Variants in ATRNL1 observed in about 807,000 individuals in gnomAD.
ATRNL1 encodes the protein attractin like 1.
A neutral mutation model predicts 182.7 loss-of-function variants in ATRNL1; 95 were observed. That is an observed-to-expected ratio of 0.52 (90% confidence interval 0.44 to 0.62). The LOEUF (loss-of-function observed/expected upper bound fraction) is 0.62, where lower values mean the gene tolerates loss of function less well. ATRNL1 is among the 20% of genes least tolerant of loss of function. ATRNL1 has a pLI of 0.00. For missense variants in ATRNL1, 1,471 were observed against 1,679.5 expected, an observed-to-expected ratio of 0.88 and a Z score of 2.17; for synonymous variants, 576 against 568.3, an observed-to-expected ratio of 1.01 and a Z score of -0.19.
intron 28 of ATRNL1, among the ~76,000 whole-genome samples, chr10:115,863,391 C>T (rs1230775539): frequency 3.3e-5 from 5 of 152,128 alleles, no homozygotes; most frequent in African/African-American, 1.2e-4. Flanking sequence ...TATGAATGTA[C>T]TATAGTTGTA....
intron 26 of ATRNL1, among the ~76,000 whole-genome samples, chr10:115,690,979 CCTT>C (rs1315764979): frequency 1.3e-5 from 2 of 152,148 alleles, no homozygotes; most frequent in Non-Finnish European, 2.9e-5. Context: ...CCCAAGCCAA[CCTT>C]CTCTGAGCTG....
At chr10:115,118,733 C>G (rs1417973335) in intron 1 of ATRNL1, among the ~76,000 whole-genome samples, 1 of 152,150 alleles carries the variant, frequency 6.6e-6, no homozygotes, top group East Asian at 1.9e-4. Context: ...ATAAGCAAAT[C>G]TCTCAGAACA....
chr10:115,313,555 C>CTTAT lies in ATRNL1; in HGVS notation c.2819-1945_2819-1942dup, dbSNP rs543717820. 3.4e-3 allele frequency among the ~76,000 whole-genome samples: 512 copies of CTTAT among 152,130 alleles called. 4 individuals carry two copies. Among genetic ancestry groups the CTTAT allele is most frequent in the African/African-American group, 0.011 (477 of 41,514 alleles). ...TTATTTCATTCGCCAGTGGCGTGTACTTATTTATTTATTTATTTATTCTTT... is the reference window on the plus strand; with the variant it reads ...TTATTTCATTCGCCAGTGGCGTGTACTTATTTATTTATTTATTTATTTATTCTTT... On this transcript the variant is annotated intron_variant, in intron 17 of 28. Transcript: ENST00000355044.
chr10:115,252,971 C>G (rs1554905714), intron 10 of ATRNL1, among the ~76,000 whole-genome samples: 1 of 152,174 alleles, frequency 6.6e-6, no homozygotes, highest in African/African-American at 2.4e-5. Flanking sequence ...CTGTGCTCCA[C>G]CTACCACCAA....
At chr10:115,835,968 G>T (rs782627515) in intron 27 of ATRNL1, among the ~76,000 whole-genome samples, 3 of 152,174 alleles carry the variant, frequency 2.0e-5, no homozygotes, top group African/African-American at 7.2e-5. Context: ...CCCCCACACC[G>T]ATGTTGTTCC....
chr10:115,272,402 A>T (rs1851906594), intron 13 of ATRNL1, among the ~76,000 whole-genome samples: 1 of 152,170 alleles, frequency 6.6e-6, no homozygotes, highest in Admixed American at 6.5e-5. Flanking sequence ...TCTTTGACTG[A>T]TGATTTAGAG....
intron 26 of ATRNL1, among the ~76,000 whole-genome samples, chr10:115,688,439 G>T (rs782418871): frequency 3.3e-5 from 5 of 152,084 alleles, no homozygotes; most frequent in Non-Finnish European, 5.9e-5. Flanking sequence ...AACAACATAT[G>T]AGTTACCTGT....
intron 20 of ATRNL1, among the ~76,000 whole-genome samples, chr10:115,418,072 AG>A (rs1845482225): frequency 6.6e-6 from 1 of 152,238 alleles, no homozygotes; most frequent in South Asian, 2.1e-4. Flanking sequence ...AGACAAAATA[AG>A]GTGCCAGAGA....
At chr10:115,795,225 T>C (rs528110289) in intron 27 of ATRNL1, among the ~76,000 whole-genome samples, 326 of 152,298 alleles carry the variant, frequency 2.1e-3, no homozygotes, top group African/African-American at 7.7e-3. Flanking sequence ...AACATAGCTA[T>C]GTATATATAC....
chr10:115,880,152 G>A (rs151208525), intron 28 of ATRNL1, among the ~76,000 whole-genome samples: 5 of 152,340 alleles, frequency 3.3e-5, no homozygotes, highest in Non-Finnish European at 7.4e-5. Flanking sequence ...CACCTCAACT[G>A]GCAGTGGCTG....
intron 20 of ATRNL1, among the ~76,000 whole-genome samples, chr10:115,406,809 G>A (rs1554958374): frequency 6.6e-6 from 1 of 151,934 alleles, no homozygotes; most frequent in African/African-American, 2.4e-5. Context: ...CTCTGTGGTT[G>A]GACTTTCATG....
intron 17 of ATRNL1, among the ~76,000 whole-genome samples, chr10:115,310,186 G>T (rs966223829): frequency 9.2e-5 from 14 of 151,828 alleles, no homozygotes; most frequent in African/African-American, 3.4e-4. Flanking sequence ...ACCATCCCTG[G>T]GATGAAACCT....
chr10:115,603,253 A>G (rs1394056463), intron 26 of ATRNL1, among the ~76,000 whole-genome samples: 4 of 152,186 alleles, frequency 2.6e-5, no homozygotes, highest in Non-Finnish European at 5.9e-5. Flanking sequence ...AGTCTTTCTC[A>G]TGACCAGCCC....
chr10:115,402,694 A>G (rs1279975600), intron 20 of ATRNL1, among the ~76,000 whole-genome samples: 1 of 152,188 alleles, frequency 6.6e-6, no homozygotes, highest in Non-Finnish European at 1.5e-5. Context: ...TAAAAATACC[A>G]TTTCCTAAGA....
intron 26 of ATRNL1, among the ~76,000 whole-genome samples, chr10:115,683,380 T>G (rs2133954809): frequency 6.6e-6 from 1 of 152,058 alleles, no homozygotes; most frequent in South Asian, 2.1e-4. Context: ...TGCCACTTAA[T>G]TTCTCAAACA....
intron 24 of ATRNL1, among the ~76,000 whole-genome samples, chr10:115,488,228 G>A (rs529877111): frequency 6.6e-6 from 1 of 152,188 alleles, no homozygotes; most frequent in South Asian, 2.1e-4. Flanking sequence ...GGATGATGCT[G>A]GCCTCTTAAA....
chr10:115,812,728 C>T (rs897709428), intron 27 of ATRNL1, among the ~76,000 whole-genome samples: 9 of 152,054 alleles, frequency 5.9e-5, no homozygotes, highest in African/African-American at 1.9e-4. Context: ...CCACCCACCT[C>T]GACCTCCCAA....
intron 21 of ATRNL1, among the ~76,000 whole-genome samples, chr10:115,455,172 T>C (rs1847461493): frequency 6.6e-6 from 1 of 152,184 alleles, no homozygotes; most frequent in African/African-American, 2.4e-5. Context: ...CTTCATTCTG[T>C]TAATGTAGTG....
intron 24 of ATRNL1, among the ~76,000 whole-genome samples, chr10:115,514,694 A>G (rs1850553951): frequency 1.3e-5 from 2 of 151,968 alleles, no homozygotes; most frequent in African/African-American, 2.4e-5. Flanking sequence ...ATTTAAATTA[A>G]AGAAATGCCA....
Sources: allele counts gnomAD v4.1 joint callset (sites outside exome capture counted in the v4.1 genomes callset), GRCh38; gene constraint gnomAD v4.1.1; transcripts MANE v1.5; gene names NCBI Gene and HGNC (gene_info 2026-07-23, HGNC 2026-07-21).